UBE2Q2: variants seen among roughly 807,000 people sequenced by gnomAD.
The protein encoded by UBE2Q2 is ubiquitin-conjugating enzyme E2 Q2.
UBE2Q2 carries 54 observed loss-of-function variants against 59.9 expected under a neutral mutation model. The ratio of observed to expected loss-of-function variants is 0.90; its 90% CI spans 0.72 to 1.13. UBE2Q2 has a LOEUF of 1.13. Among genes scored for constraint, UBE2Q2 ranks in the 50% most tolerant of loss-of-function variants. The pLI is 0.00. For missense variants in UBE2Q2, 433 were observed against 441.9 expected (o/e 0.98, Z 0.18); for synonymous variants, 165 against 155.2 (o/e 1.06, Z -0.47).
Position 75,866,141 on chromosome 15 carries a change from G to C in UBE2Q2, c.388-2810G>C, listed in dbSNP as rs559906514. Among the ~76,000 whole-genome samples, 10 of 151,182 alleles carry C rather than the reference G, an allele frequency of 6.6e-5. No individual in the cohort carries two copies. The South Asian group carries it at 1.9e-3, about 28-fold the overall frequency. ...TCTGGTAGTTGGTATGATTTTCTCT[G>C]TAACTGTAAAGTGTGGGGGTTTTAC... is the stretch of plus-strand genomic sequence containing the variant. On this transcript the variant is annotated intron_variant, in intron 3 of 12. Coordinates refer to ENST00000267938, the MANE Select transcript of UBE2Q2 (RefSeq NM_173469.4).
intron 7 of UBE2Q2, 145 bp downstream of exon 7, chr15:75,878,166 G>A: frequency 1.6e-6 from 1 of 621,296 alleles, no homozygotes; most frequent in South Asian, 2.8e-5. Flanking sequence ...TTCTTAGATT[G>A]TTTAAATGAG....
Position 75,899,438 on chromosome 15 carries a change from C to A in UBE2Q2, c.1108C>A (p.Pro370Thr), listed in dbSNP as rs2141689628. ...QIHEKNGWYT[P>T]PKEDG ...TCATTCTATTTCAGGCTGGTACACC[C>A]CTCCAAAGGAAGATGGCTAAATGTG... is the stretch of plus-strand genomic sequence containing the variant. Residue 370 changes from proline (P) to threonine (T), a missense_variant, in exon 13 of 13, where the codon CCT becomes ACT. Physicochemically the swap from Pro to Thr is conservative, Grantham distance 38 (BLOSUM62 -1). Coordinates refer to ENST00000267938, the MANE Select transcript of UBE2Q2 (RefSeq NM_173469.4). The A allele has an allele frequency of 1.9e-6, 3 of 1,593,226 alleles. No homozygotes were observed. Among genetic ancestry groups the A allele is most frequent in the Middle Eastern group, 1.7e-4 (1 of 5,998 alleles).
chr15:75,874,340 G>A (rs1369731254), intron 5 of UBE2Q2, among the ~76,000 whole-genome samples: 1 of 150,954 alleles, frequency 6.6e-6, no homozygotes, highest in African/African-American at 2.4e-5. Context: ...CTGGAGTGTG[G>A]TGGCATGATC....
At chr15:75,859,240 A>G (rs1352784859) in intron 2 of UBE2Q2, among the ~76,000 whole-genome samples, 1 of 151,970 alleles carries the variant, frequency 6.6e-6, no homozygotes, top group African/African-American at 2.4e-5. Flanking sequence ...GTTATTTTTT[A>G]TACAGACACT....
At chr15:75,853,505 T>C (rs1050402762) in intron 1 of UBE2Q2, among the ~76,000 whole-genome samples, 21 of 148,900 alleles carry the variant, frequency 1.4e-4, no homozygotes, top group African/African-American at 5.1e-4. Context: ...TATATATATA[T>C]ATGTATGTAT....
chr15:75,897,064 A>G lies in UBE2Q2; in HGVS notation c.1096+3A>G, dbSNP rs1899466395. ...TGTACAGATACATGAGAAAAATGGT[A>G]TGTTTAATTCAATAAGTGTTTATTG... On this transcript the variant is annotated splice_donor_region_variant and intron_variant, in intron 12 of 12. Transcript: ENST00000267938. 2.6e-6 allele frequency: 4 copies of G among 1,544,852 alleles called. No homozygotes were observed. The highest frequency in any genetic ancestry group is 3.5e-6 in the Non-Finnish European group (4 of 1,136,200).
intron 11 of UBE2Q2, among the ~76,000 whole-genome samples, chr15:75,895,775 A>G (rs1310304944): frequency 6.6e-6 from 1 of 152,142 alleles, no homozygotes; most frequent in Non-Finnish European, 1.5e-5. Context: ...ACTCTTACAG[A>G]TGGCTGGTGG....
intron 9 of UBE2Q2, among the ~76,000 whole-genome samples, chr15:75,883,839 TACAC>T (rs10524276): frequency 4.3e-4 from 66 of 151,998 alleles, no homozygotes; most frequent in African/African-American, 1.6e-3. Context: ...TATTTATACA[TACAC>T]ACACACACAC....
chr15:75,887,334 A>C (rs796356866), intron 9 of UBE2Q2, among the ~76,000 whole-genome samples: 1 of 152,192 alleles, frequency 6.6e-6, no homozygotes, highest in Non-Finnish European at 1.5e-5. Flanking sequence ...CCAGCTGGGC[A>C]GTGAAATGTG....
chr15:75,880,152 G>T (rs1001798953), intron 8 of UBE2Q2, among the ~76,000 whole-genome samples: 1 of 151,974 alleles, frequency 6.6e-6, no homozygotes, highest in African/African-American at 2.4e-5. Context: ...TTGCTCTGTT[G>T]CCCAGGCTGG....
chr15:75,896,408 G>A (rs1158373953), intron 11 of UBE2Q2, among the ~76,000 whole-genome samples: 6 of 152,266 alleles, frequency 3.9e-5, no homozygotes, highest in East Asian at 1.9e-4. Flanking sequence ...AATTCGAAGC[G>A]AAGATATAGG....
At chr15:75,856,317 CAGATTTAT>C (rs1896915663) in intron 2 of UBE2Q2, among the ~76,000 whole-genome samples, 1 of 146,046 alleles carries the variant, frequency 6.8e-6, no homozygotes, top group African/African-American at 2.6e-5. Flanking sequence ...CAAATCCCAG[CAGATTTAT>C]TTTTGGAAGT....
At chr15:75,853,384 T>C (rs1896733487) in intron 1 of UBE2Q2, among the ~76,000 whole-genome samples, 1 of 151,944 alleles carries the variant, frequency 6.6e-6, no homozygotes, top group Non-Finnish European at 1.5e-5. Flanking sequence ...GGCAGGAGAA[T>C]CGCTTGAACC....
chr15:75,849,889 C>A (rs1019647863), intron 1 of UBE2Q2, among the ~76,000 whole-genome samples: 27 of 152,106 alleles, frequency 1.8e-4, no homozygotes, highest in African/African-American at 6.5e-4. Context: ...TTTTGAGCAC[C>A]ATTCACTGTT....
chr15:75,872,979 G>T (rs1293260861), intron 4 of UBE2Q2, among the ~76,000 whole-genome samples: 3 of 152,114 alleles, frequency 2.0e-5, no homozygotes, highest in African/African-American at 7.2e-5. Flanking sequence ...CAGATTTTGT[G>T]TTTATTTTTG....
In UBE2Q2 at chr15:75,890,433, A is replaced by T; in HGVS notation, c.885-2A>T. The T allele has an allele frequency of 6.3e-7, 1 of 1,587,604 alleles. No individual in the cohort carries two copies. The highest frequency in any genetic ancestry group is 8.5e-7 in the Non-Finnish European group (1 of 1,173,566). On this transcript the variant is annotated splice_acceptor_variant, in intron 9 of 12. Coordinates refer to ENST00000267938, the MANE Select transcript of UBE2Q2 (RefSeq NM_173469.4). LOFTEE classifies it high-confidence loss of function. Reference sequence around the variant, plus strand: ...TTGTATGACTCCTTTTTTCTTTTTAAGGTATGTATTGGGTGGAGGAGCATT... The same window carrying T: ...TTGTATGACTCCTTTTTTCTTTTTATGGTATGTATTGGGTGGAGGAGCATT...
chr15:75,886,102 A>C (rs1898750250), intron 9 of UBE2Q2, among the ~76,000 whole-genome samples: 1 of 149,678 alleles, frequency 6.7e-6, no homozygotes, highest in Non-Finnish European at 1.5e-5. Flanking sequence ...ATTGGGGAGA[A>C]ATGACATAAC....
chr15:75,874,286 CTTTT>C (rs112714715), intron 5 of UBE2Q2, among the ~76,000 whole-genome samples: 10 of 139,850 alleles, frequency 7.2e-5, no homozygotes, highest in African/African-American at 1.0e-4. Context: ...ACTTAACATC[CTTTT>C]TTTTTTTTTT....
chr15:75,861,551 C>T (rs1358581566), intron 3 of UBE2Q2, among the ~76,000 whole-genome samples: 1 of 152,088 alleles, frequency 6.6e-6, no homozygotes, highest in East Asian at 1.9e-4. Context: ...TTAACTTTCT[C>T]CTTTCCATTT....
Sources: gnomAD v4.1 joint callset for allele counts (sites outside exome capture counted in the v4.1 genomes callset) on GRCh38, gnomAD v4.1.1 for gene constraint, MANE v1.5 for transcripts, NCBI Gene and HGNC (gene_info 2026-07-23, HGNC 2026-07-21) for gene names.